Variants in GALNTL6 observed in about 807,000 individuals in gnomAD.
The protein encoded by GALNTL6 is polypeptide N-acetylgalactosaminyltransferase-like 6.
GALNTL6 carries 46 observed loss-of-function variants against 73.7 expected under a neutral mutation model. That is an observed-to-expected ratio of 0.62 (90% CI 0.49 to 0.80). GALNTL6 has a LOEUF of 0.80. Ranked by LOEUF, GALNTL6 falls within the 30% of genes least tolerant of loss-of-function variation. The pLI, the probability that GALNTL6 is intolerant of heterozygous loss-of-function variation, is 0.00. For synonymous variants in GALNTL6, 259 were observed against 263.7 expected (o/e 0.98, Z 0.17); for missense variants, 604 against 755.0 (o/e 0.80, Z 2.34).
At chr4:172,452,294 C>T (rs1238748631) in intron 5 of GALNTL6, among the ~76,000 whole-genome samples, 1 of 151,494 alleles carries the variant, frequency 6.6e-6, no homozygotes, top group Non-Finnish European at 1.5e-5. Flanking sequence ...CACACATACA[C>T]GTATTTTCAC....
At chr4:172,188,146 T>TA (rs1735469354) in intron 2 of GALNTL6, among the ~76,000 whole-genome samples, 2 of 152,206 alleles carry the variant, frequency 1.3e-5, no homozygotes, top group Admixed American at 1.3e-4. Flanking sequence ...TGTATATGCC[T>TA]ATTATGTGTC....
chr4:172,781,942 T>C (rs958491915), intron 5 of GALNTL6, among the ~76,000 whole-genome samples: 4 of 151,202 alleles, frequency 2.6e-5, no homozygotes, highest in African/African-American at 9.7e-5. Context: ...TTTAAAAATA[T>C]ATAAGTATAT....
intron 8 of GALNTL6, among the ~76,000 whole-genome samples, chr4:172,894,782 T>C (rs1413721572): frequency 6.6e-6 from 1 of 152,186 alleles, no homozygotes; most frequent in Non-Finnish European, 1.5e-5. Flanking sequence ...GGTGTTGAAG[T>C]ATTCTACTAT....
intron 2 of GALNTL6, among the ~76,000 whole-genome samples, chr4:171,949,901 G>A (rs1738819766): frequency 6.6e-6 from 1 of 152,132 alleles, no homozygotes; most frequent in South Asian, 2.1e-4. Context: ...TTTTAAAAAG[G>A]AGGTTTGGGC....
intron 2 of GALNTL6, among the ~76,000 whole-genome samples, chr4:171,955,786 A>T (rs1262599477): frequency 6.9e-6 from 1 of 145,740 alleles, no homozygotes; most frequent in African/African-American, 2.4e-5. Flanking sequence ...TATATATATA[A>T]ATGGCAGCAT....
chr4:172,919,522 A>C (rs979484500), intron 8 of GALNTL6, among the ~76,000 whole-genome samples: 5 of 152,186 alleles, frequency 3.3e-5, no homozygotes, highest in Admixed American at 1.3e-4. Context: ...ACATGGCAAG[A>C]TTGACAGCCC....
intron 8 of GALNTL6, among the ~76,000 whole-genome samples, chr4:172,883,917 A>C (rs559248897): frequency 6.6e-6 from 1 of 152,004 alleles, no homozygotes; most frequent in Non-Finnish European, 1.5e-5. Flanking sequence ...TATTTCACTT[A>C]AAATAATGAC....
intron 2 of GALNTL6, among the ~76,000 whole-genome samples, chr4:172,032,635 A>G (rs1741803430): frequency 6.6e-6 from 1 of 152,088 alleles, no homozygotes; most frequent in Admixed American, 6.6e-5. Flanking sequence ...TGCTCTGTGG[A>G]CATAAATAAG....
At chr4:172,265,371 G>C (rs1043535530) in intron 3 of GALNTL6, among the ~76,000 whole-genome samples, 1 of 152,048 alleles carries the variant, frequency 6.6e-6, no homozygotes, top group Non-Finnish European at 1.5e-5. Context: ...ACAACTCCAA[G>C]TTAGCTTCCA....
intron 2 of GALNTL6, among the ~76,000 whole-genome samples, chr4:171,903,667 C>G (rs1015610914): frequency 6.7e-6 from 1 of 149,138 alleles, no homozygotes; most frequent in East Asian, 2.0e-4. Flanking sequence ...CTGCCTGCCT[C>G]TGGAGGCTCC....
intron 5 of GALNTL6, among the ~76,000 whole-genome samples, chr4:172,656,958 C>T (rs1054954955): frequency 1.1e-4 from 16 of 151,780 alleles, no homozygotes; most frequent in African/African-American, 3.9e-4. Context: ...CTGTTATGAG[C>T]ACAGGGTAGG....
intron 3 of GALNTL6, among the ~76,000 whole-genome samples, chr4:172,272,698 C>T (rs1302159377): frequency 6.6e-6 from 1 of 152,054 alleles, no homozygotes; most frequent in African/African-American, 2.4e-5. Context: ...AAAATTATAC[C>T]TATAAACTTT....
At chr4:172,863,661 C>T (rs1250078224) in intron 7 of GALNTL6, among the ~76,000 whole-genome samples, 1 of 152,104 alleles carries the variant, frequency 6.6e-6, no homozygotes, top group Non-Finnish European at 1.5e-5. Flanking sequence ...AAGAGATTTG[C>T]CTTGTCTCAG....
chr4:172,354,424 T>C (rs928147469), intron 5 of GALNTL6, among the ~76,000 whole-genome samples: 1 of 152,162 alleles, frequency 6.6e-6, no homozygotes, highest in Admixed American at 6.5e-5. Context: ...TGCTTTCTGA[T>C]ATTTGTATAT....
chr4:172,878,799 G>A (rs1293047490), intron 7 of GALNTL6, among the ~76,000 whole-genome samples: 1 of 151,792 alleles, frequency 6.6e-6, no homozygotes, highest in African/African-American at 2.4e-5. Context: ...CATATTGAAA[G>A]TAAGTGATCT....
intron 5 of GALNTL6, among the ~76,000 whole-genome samples, chr4:172,370,366 C>A (rs1951002885): frequency 6.6e-6 from 1 of 152,040 alleles, no homozygotes; most frequent in Non-Finnish European, 1.5e-5. Context: ...AGGGGAGAAG[C>A]CATGTTGCCC....
chr4:173,015,245 C>G (rs868500820), intron 11 of GALNTL6, among the ~76,000 whole-genome samples: 9 of 152,140 alleles, frequency 5.9e-5, no homozygotes, highest in Non-Finnish European at 1.0e-4. Flanking sequence ...CAGACTAATA[C>G]AGTAAATTGA....
chr4:171,950,482 CTTTTT>C (rs149650644), intron 2 of GALNTL6, among the ~76,000 whole-genome samples: 4 of 141,430 alleles, frequency 2.8e-5, no homozygotes, highest in Non-Finnish European at 1.5e-5. Flanking sequence ...CTTTTCTTTT[CTTTTT>C]TTTTTTTTTT....
chr4:172,480,154 T>A (rs958823305), intron 5 of GALNTL6, among the ~76,000 whole-genome samples: 8 of 152,050 alleles, frequency 5.3e-5, no homozygotes, highest in African/African-American at 1.4e-4. Flanking sequence ...GTTTTTTTTT[T>A]AAATTAGTCA....
Sources: gnomAD v4.1 joint callset for allele counts (sites outside exome capture counted in the v4.1 genomes callset) on GRCh38, gnomAD v4.1.1 for gene constraint, MANE v1.5 for transcripts, NCBI Gene and HGNC (gene_info 2026-07-23, HGNC 2026-07-21) for gene names.